Variants in TRAPPC9 observed in about 807,000 individuals in gnomAD.
TRAPPC9 encodes IKK2 binding protein.
Under a neutral mutation model 124.0 loss-of-function variants are expected in TRAPPC9, and 83 were observed. The observed-to-expected ratio is 0.67, with a 90% confidence interval of 0.56 to 0.80. TRAPPC9 has a LOEUF of 0.80. Among genes scored for constraint, TRAPPC9 ranks in the 30% least tolerant of loss-of-function variants. The pLI is 0.00. For synonymous variants in TRAPPC9, 638 were observed against 617.5 expected, an observed-to-expected ratio of 1.03 and a Z score of -0.49; for missense variants, 1,302 against 1,508.3, an observed-to-expected ratio of 0.86 and a Z score of 2.27.
intron 4 of TRAPPC9, among the ~76,000 whole-genome samples, chr8:140,431,640 T>G (rs2070650543): frequency 1.3e-5 from 2 of 152,276 alleles, no homozygotes; most frequent in Non-Finnish European, 2.9e-5. Flanking sequence ...GCTAAACATT[T>G]TGCACACATT....
At chr8:140,133,951 A>G (rs958441869) in intron 17 of TRAPPC9, among the ~76,000 whole-genome samples, 7 of 152,134 alleles carry the variant, frequency 4.6e-5, no homozygotes, top group African/African-American at 1.7e-4. Flanking sequence ...TAGATTTATT[A>G]TTGTTAAGAT....
rs372797122 is a variant in TRAPPC9 at position 140,281,262 on chromosome 8, C to G, written c.2114+2627G>C. 8.5e-5 allele frequency among the ~76,000 whole-genome samples: 13 copies of G among 152,348 alleles called. No individual in the cohort carries two copies. The South Asian group carries it at 2.5e-3, about 29-fold the overall frequency. On this transcript the variant is annotated intron_variant, in intron 14 of 22. Coordinates refer to ENST00000438773, the MANE Select transcript of TRAPPC9 (RefSeq NM_001160372.4). ...CATCAGCATCCCCATCGGCCTCGCA[C>G]GAGGCGTCCAGCTTCTCCGAAACCT...
chr8:140,043,547 G>T (rs924036167), intron 17 of TRAPPC9, among the ~76,000 whole-genome samples: 6 of 152,194 alleles, frequency 3.9e-5, no homozygotes, highest in Admixed American at 6.5e-5. Flanking sequence ...ACCATCCTGA[G>T]GCCTGATGGG....
At chr8:140,210,481 C>G (rs1054884565) in intron 17 of TRAPPC9, among the ~76,000 whole-genome samples, 1 of 152,194 alleles carries the variant, frequency 6.6e-6, no homozygotes. Flanking sequence ...CCCATCCCCC[C>G]GTCTGCCTGA....
chr8:140,129,962 G>A (rs953892013), intron 17 of TRAPPC9, among the ~76,000 whole-genome samples: 4 of 152,194 alleles, frequency 2.6e-5, no homozygotes, highest in South Asian at 2.1e-4. Context: ...CTGTGGCTTC[G>A]GAGGAATCAG....
At chr8:139,939,892 G>A (rs112547699) in intron 19 of TRAPPC9, among the ~76,000 whole-genome samples, 2,028 of 152,334 alleles carry the variant, frequency 0.013, 46 homozygotes, top group African/African-American at 0.046. Flanking sequence ...TGCGGGAAAG[G>A]CCTGCCCCTC....
chr8:139,967,506 T>A (rs936995536), intron 19 of TRAPPC9, among the ~76,000 whole-genome samples: 2 of 152,194 alleles, frequency 1.3e-5, no homozygotes, highest in African/African-American at 4.8e-5. Context: ...AGAGAGATGA[T>A]GAAGACAGGA....
At chr8:140,244,817 T>C (rs11988522) in intron 16 of TRAPPC9, among the ~76,000 whole-genome samples, 1 of 147,386 alleles carries the variant, frequency 6.8e-6, no homozygotes, top group African/African-American at 2.5e-5. Flanking sequence ...TTTTTTTTTT[T>C]TTTTTTTTGA....
chr8:140,033,011 C>T (rs972940977), intron 17 of TRAPPC9, among the ~76,000 whole-genome samples: 1 of 152,164 alleles, frequency 6.6e-6, no homozygotes, highest in Admixed American at 6.5e-5. Context: ...ATGCTTGGCA[C>T]ATTTTCATGC....
chr8:139,732,567 C>T (rs1432957175), intron 21 of TRAPPC9, among the ~76,000 whole-genome samples: 5 of 152,136 alleles, frequency 3.3e-5, no homozygotes, highest in African/African-American at 1.2e-4. Context: ...TGGAAGGGGC[C>T]CTACAGGCCC....
intron 17 of TRAPPC9, among the ~76,000 whole-genome samples, chr8:140,052,839 G>A (rs955559613): frequency 7.3e-5 from 11 of 151,642 alleles, no homozygotes; most frequent in African/African-American, 2.2e-4. Flanking sequence ...CCCAGCTACC[G>A]GAGAGGCTGG....
At chr8:140,229,112 AATATTATATTTCAGGTAC>A (rs1458263940) in intron 16 of TRAPPC9, among the ~76,000 whole-genome samples, 2 of 152,306 alleles carry the variant, frequency 1.3e-5, no homozygotes, top group Non-Finnish European at 2.9e-5. Flanking sequence ...GGGACTTCTA[AATATTATATTTCAGGTAC>A]ATAGAAAATA....
At chr8:140,154,743 G>A (rs2061600831) in intron 17 of TRAPPC9, among the ~76,000 whole-genome samples, 1 of 152,186 alleles carries the variant, frequency 6.6e-6, no homozygotes, top group Non-Finnish European at 1.5e-5. Flanking sequence ...TCAGTTTGAA[G>A]TAATATCCTC....
intron 20 of TRAPPC9, 85 bp from the exon 21 acceptor site, chr8:139,886,054 A>T (rs1829996025): frequency 1.6e-6 from 2 of 1,271,982 alleles, no homozygotes; most frequent in Admixed American, 4.0e-5. Context: ...AGACCCTCAG[A>T]TGGGAAACCT....
chr8:140,211,743 C>T (rs1050368080), intron 17 of TRAPPC9, among the ~76,000 whole-genome samples: 2 of 152,214 alleles, frequency 1.3e-5, no homozygotes, highest in Non-Finnish European at 2.9e-5. Context: ...CTTTGCCTCA[C>T]TAATGAAGAG....
rs141842239 is a variant in TRAPPC9, at chr8:140,358,805, C to T, written c.1495+1245G>A. On this transcript the variant is annotated intron_variant, in intron 9 of 22. Coordinates refer to ENST00000438773, the MANE Select transcript of TRAPPC9 (RefSeq NM_001160372.4). Reference sequence around the variant, plus strand: ...CCTGCAGGGAGGAGAGGCCCGTTCCCCAGGGGAGAGTGCTGCCTCCCCAGA... The same window carrying T: ...CCTGCAGGGAGGAGAGGCCCGTTCCTCAGGGGAGAGTGCTGCCTCCCCAGA... 2.6e-5 allele frequency among the ~76,000 whole-genome samples: 4 copies of T among 152,286 alleles called. No homozygotes were observed. In the East Asian group the frequency reaches 7.7e-4, roughly 29 times the overall value.
rs557566856 is a variant in TRAPPC9 at position 139,889,495 on chromosome 8, G to T, written c.2965-3526C>A. On this transcript the variant is annotated intron_variant, in intron 20 of 22. Coordinates refer to ENST00000438773, the MANE Select transcript of TRAPPC9 (RefSeq NM_001160372.4). Reference sequence around the variant, plus strand: ...GTGCTCAGTCCCTGAGGGAGACAAGGAATGGGAGGGAGTGTTTCATGGGTG... The same window carrying T: ...GTGCTCAGTCCCTGAGGGAGACAAGTAATGGGAGGGAGTGTTTCATGGGTG... Among the ~76,000 whole-genome samples, 9 of 152,316 alleles carry T rather than the reference G, an allele frequency of 5.9e-5. No individual in the cohort carries two copies. The South Asian group carries it at 1.7e-3, about 28-fold the overall frequency.
intron 11 of TRAPPC9, 63 bp from the exon 12 acceptor site, chr8:140,291,141 G>A (rs1420573005): frequency 6.9e-7 from 1 of 1,455,942 alleles, no homozygotes; most frequent in Admixed American, 1.7e-5. Context: ...CTTTCTACAT[G>A]GTTTCCAATT....
chr8:139,840,346 T>C (rs1199310841), intron 21 of TRAPPC9, among the ~76,000 whole-genome samples: 1 of 152,256 alleles, frequency 6.6e-6, no homozygotes, highest in East Asian at 1.9e-4. Context: ...CTGGTTCCAG[T>C]AGAATTGATT....
Sources: allele counts gnomAD v4.1 joint callset (sites outside exome capture counted in the v4.1 genomes callset), GRCh38; gene constraint gnomAD v4.1.1; transcripts MANE v1.5; gene names NCBI Gene and HGNC (gene_info 2026-07-23, HGNC 2026-07-21).